The following MAP4K3 variants were observed in gnomAD, a reference collection of about 807,000 sequenced individuals.
MAP4K3 encodes mitogen-activated protein kinase kinase kinase kinase 3.
MAP4K3 carries 94 observed loss-of-function variants against 143.5 expected under a neutral mutation model. The observed-to-expected ratio is 0.65, with a 90% CI of 0.55 to 0.78. MAP4K3 has a LOEUF of 0.78. MAP4K3 is among the 30% of genes least tolerant of loss of function. The probability of loss-of-function intolerance (pLI) is 0.00; values close to 1 mark genes in which losing one functional copy is unlikely to be tolerated. For synonymous variants in MAP4K3, 416 were observed against 347.2 expected (o/e 1.20, Z -2.20); for missense variants, 1,077 against 1,068.1 (o/e 1.01, Z -0.12).
At chr2:39,377,616 T>C (rs1666254389) in intron 2 of MAP4K3, among the ~76,000 whole-genome samples, 1 of 152,148 alleles carries the variant, frequency 6.6e-6, no homozygotes, top group Admixed American at 6.5e-5. Context: ...ATGTGGAAGC[T>C]AGATCTCCTG....
chr2:39,413,945 TTAAG>T (rs1446849203), intron 1 of MAP4K3, among the ~76,000 whole-genome samples: 4 of 152,314 alleles, frequency 2.6e-5, no homozygotes, highest in Non-Finnish European at 4.4e-5. Context: ...ATCTACATCT[TTAAG>T]TAAGAGCATA....
intron 2 of MAP4K3, among the ~76,000 whole-genome samples, chr2:39,364,019 T>C (rs752703221): frequency 3.0e-5 from 4 of 133,302 alleles, no homozygotes; most frequent in African/African-American, 1.1e-4. Context: ...AAGAAGACAA[T>C]AGCAAGTGTT....
chr2:39,271,806 A>C (rs1336133793), intron 26 of MAP4K3: 1 of 154,890 alleles, frequency 6.5e-6, no homozygotes, highest in African/African-American at 2.4e-5. Flanking sequence ...TATGTTGCTC[A>C]GGCTGGTCTT....
In MAP4K3 at chr2:39,309,462, A is replaced by C; in HGVS notation, c.1055T>G (p.Leu352Arg). The change falls in exon 14 of 34, where the codon CTT (leucine) becomes CGT (arginine). Residue 352 changes from leucine (L) to arginine (R), a missense_variant and splice_region_variant. Leu to Arg is a moderately radical substitution (Grantham distance 102, BLOSUM62 -2). Transcript: ENST00000263881. ...LRKETEPHHELPDSDGFLDSS... is the reference protein window; with the variant it reads ...LRKETEPHHERPDSDGFLDSS... ...ACATTCTAAGGCTATACTACTTACA[A>C]GTTCATGATGTGGTTCTGTCTCCTT... 6.3e-7 allele frequency: 1 copy of C among 1,586,446 alleles called. No homozygotes were observed. Among genetic ancestry groups the C allele is most frequent in the Non-Finnish European group, 8.6e-7 (1 of 1,167,726 alleles).
rs1681057875 is a variant in MAP4K3, at chr2:39,272,273, G to A, written c.1973+10C>T. 7.7e-6 allele frequency: 12 copies of A among 1,565,072 alleles called. No homozygotes were observed. The highest frequency in any genetic ancestry group is 1.1e-5 in the Non-Finnish European group (12 of 1,135,940). On this transcript the variant is annotated intron_variant, in intron 26 of 33. Transcript: ENST00000263881. ...TTAATATCATATTGCCTCTAAGGAT[G>A]TACCCTTACCTTGGCAGTATTCTGT...
intron 1 of MAP4K3, among the ~76,000 whole-genome samples, chr2:39,386,897 C>T (rs974581461): frequency 2.0e-5 from 3 of 150,708 alleles, no homozygotes; most frequent in Admixed American, 1.3e-4. Context: ...CTCGCTGCAA[C>T]CTCTGCCTTC....
At chr2:39,365,020 G>A (rs1310538588) in intron 2 of MAP4K3, among the ~76,000 whole-genome samples, 1 of 152,114 alleles carries the variant, frequency 6.6e-6, no homozygotes, top group East Asian at 1.9e-4. Flanking sequence ...ACCTGGAAAG[G>A]AAAAATGAAT....
At chr2:39,252,037 C>A (rs987045626) in intron 32 of MAP4K3, 152 bp from the exon 33 acceptor site, 5 of 612,668 alleles carry the variant, frequency 8.2e-6, no homozygotes, top group Non-Finnish European at 1.5e-5. Context: ...CATGTAGATA[C>A]ATCAATTTGT....
intron 29 of MAP4K3, among the ~76,000 whole-genome samples, chr2:39,259,622 C>T (rs891999050): frequency 6.6e-6 from 1 of 152,150 alleles, no homozygotes; most frequent in Middle Eastern, 3.2e-3. Flanking sequence ...TGTTAATATA[C>T]ATTTCGTATT....
chr2:39,336,533 C>A (rs931205681), intron 6 of MAP4K3, among the ~76,000 whole-genome samples: 3 of 146,428 alleles, frequency 2.0e-5, no homozygotes, highest in African/African-American at 7.6e-5. Flanking sequence ...GTCAATTTAT[C>A]CATTTTGATG....
In MAP4K3 at chr2:39,369,193, G is replaced by GTT. The variant is rs1553419595; in HGVS notation, c.154+8871_154+8872dup. Among the ~76,000 whole-genome samples the GTT allele has an allele frequency of 1.6e-4, 6 of 37,978 alleles. 1 individual carries two copies. Among genetic ancestry groups the GTT allele is most frequent in the South Asian group, 2.7e-3 (2 of 740 alleles). The allele number at this position is 37,978 out of a possible 152,430, so 24.9% of individuals were successfully genotyped here. ...GGGTAAAATCTAAACCTTTGGGCTA[G>GTT]TTTTTTTTTTTGTTTTTTTTGAGAT... On this transcript the variant is annotated intron_variant, in intron 2 of 33. Transcript: ENST00000263881.
Position 39,258,679 on chromosome 2 carries a change from A to G in MAP4K3, c.2309-92T>C, listed in dbSNP as rs768733047. 1.3e-3 allele frequency: 1,184 copies of G among 914,638 alleles called. 4 individuals are homozygous for G. The highest frequency in any genetic ancestry group is 9.7e-4 in the Non-Finnish European group (537 of 555,340). The allele number at this position is 914,638 out of a possible 1,614,324, so 56.7% of individuals were successfully genotyped here. On this transcript the variant is annotated intron_variant, in intron 29 of 33. Transcript: ENST00000263881. ...GAAAAAGAATTCTGAGGATAACAAT[A>G]CTTGAAACGGATATGTCTTCTGTAA...
intron 12 of MAP4K3, among the ~76,000 whole-genome samples, chr2:39,322,732 T>A (rs1683353122): frequency 6.6e-6 from 1 of 151,406 alleles, no homozygotes; most frequent in African/African-American, 2.4e-5. Context: ...TGCAGTCGCA[T>A]GATCTTGGCT....
At chr2:39,318,063 C>T (rs976629981) in intron 12 of MAP4K3, among the ~76,000 whole-genome samples, 2 of 152,090 alleles carry the variant, frequency 1.3e-5, no homozygotes, top group Non-Finnish European at 1.5e-5. Flanking sequence ...GGATATGCAG[C>T]CATAAAAAAG....
intron 12 of MAP4K3, among the ~76,000 whole-genome samples, chr2:39,321,512 A>C (rs1255567418): frequency 1.3e-5 from 2 of 152,126 alleles, no homozygotes; most frequent in African/African-American, 4.8e-5. Context: ...GTTTCTCCCC[A>C]TGTGATAGTC....
intron 8 of MAP4K3, among the ~76,000 whole-genome samples, chr2:39,328,467 A>G (rs929428349): frequency 2.0e-5 from 3 of 152,360 alleles, no homozygotes; most frequent in Admixed American, 2.0e-4. Flanking sequence ...AAAACTGGGA[A>G]GGCTACAGAT....
intron 7 of MAP4K3, among the ~76,000 whole-genome samples, chr2:39,332,969 T>C (rs529333056): frequency 6.8e-4 from 103 of 152,224 alleles, no homozygotes; most frequent in African/African-American, 2.4e-3. Flanking sequence ...ACTTTGTTCA[T>C]AAAACTATAA....
chr2:39,368,708 A>C (rs1231392492), intron 2 of MAP4K3, among the ~76,000 whole-genome samples: 1 of 152,086 alleles, frequency 6.6e-6, no homozygotes, highest in South Asian at 2.1e-4. Flanking sequence ...AAAGAAAAAA[A>C]GTTAAATAAA....
chr2:39,285,382 TAAA>T (rs968494232), intron 21 of MAP4K3, among the ~76,000 whole-genome samples: 13 of 151,554 alleles, frequency 8.6e-5, no homozygotes, highest in Non-Finnish European at 1.8e-4. Context: ...TTGGAAAGGT[TAAA>T]AAAAAAGTTT....
Sources: gnomAD v4.1 joint callset for allele counts (sites outside exome capture counted in the v4.1 genomes callset) on GRCh38, gnomAD v4.1.1 for gene constraint, MANE v1.5 for transcripts, NCBI Gene and HGNC (gene_info 2026-07-23, HGNC 2026-07-21) for gene names.